The following GRK5 variants were observed in gnomAD, a reference collection of about 807,000 sequenced individuals.
GRK5 encodes the protein g protein-coupled receptor kinase GRK5.
Under a neutral mutation model 78.4 loss-of-function variants are expected in GRK5, and 40 were observed. The ratio of observed to expected loss-of-function variants is 0.51; its 90% CI spans 0.40 to 0.66. The LOEUF is 0.66. GRK5 is among the 30% of genes least tolerant of loss of function. The pLI, the probability that GRK5 is intolerant of heterozygous loss-of-function variation, is 0.00. For missense variants in GRK5, 598 were observed against 759.9 expected (o/e 0.79, Z 2.50); for synonymous variants, 289 against 296.8 (o/e 0.97, Z 0.27).
chr10:119,328,248 A>G lies in GRK5; in HGVS notation c.148+1637A>G, dbSNP rs1488003083. ...GGAGGCAGTCGAGGTCGGGTGGAAG[A>G]GAAGAGGGGCTGTGTTCCTGGGGCT... On this transcript the variant is annotated intron_variant, in intron 2 of 15. Coordinates refer to ENST00000392870, the MANE Select transcript of GRK5 (RefSeq NM_005308.3). Among the ~76,000 whole-genome samples the G allele has an allele frequency of 5.9e-5, 9 of 152,102 alleles. 1 individual carries two copies. The highest frequency in any genetic ancestry group is 1.2e-4 in the Non-Finnish European group (8 of 67,998).
At position 119,223,475 on chromosome 10, in the gene GRK5, C is replaced by T. The variant is rs77294463; in HGVS notation, c.52+15506C>T. Among the ~76,000 whole-genome samples, 1,481 of 152,036 alleles carry T rather than the reference C, an allele frequency of 9.7e-3. 21 individuals are homozygous for T. The highest frequency in any genetic ancestry group is 0.034 in the African/African-American group (1,395 of 41,460). On this transcript the variant is annotated intron_variant, in intron 1 of 15. Transcript: ENST00000392870. ...CAGGAGGTTCTGAGGATGAACCAGGCGTGGGAACTGCTGCTCTATAGAACC... is the reference window on the plus strand; with the variant it reads ...CAGGAGGTTCTGAGGATGAACCAGGTGTGGGAACTGCTGCTCTATAGAACC...
rs1316856036 is a variant in GRK5, at chr10:119,430,372, C to T, written c.534-3C>T. On this transcript the variant is annotated splice_region_variant and splice_polypyrimidine_tract_variant and intron_variant, in intron 6 of 15. Transcript: ENST00000392870. The surrounding 1 kb of genome is among the most constrained non-coding windows in gnomAD (Gnocchi z 4.5). The stretch of plus-strand genomic sequence containing the variant: ...ACCAGTGTGGGATTCTTCTTTCTTC[C>T]AGGCAACCGGTGACCAAAAACACTT... 6.2e-7 allele frequency: 1 copy of T among 1,613,650 alleles called. No homozygotes were observed. The highest frequency in any genetic ancestry group is 8.5e-7 in the Non-Finnish European group (1 of 1,179,690).
At chr10:119,385,472 G>A (rs897639773) in intron 3 of GRK5, among the ~76,000 whole-genome samples, 1 of 152,072 alleles carries the variant, frequency 6.6e-6, no homozygotes, top group Non-Finnish European at 1.5e-5. Flanking sequence ...TCCATGTTGG[G>A]AGCAGGCTTT....
At chr10:119,395,943 G>A (rs762392722) in intron 3 of GRK5, among the ~76,000 whole-genome samples, 12 of 152,182 alleles carry the variant, frequency 7.9e-5, no homozygotes, top group East Asian at 3.8e-4. Flanking sequence ...GTTCTCCTGC[G>A]TCACTGCCCT....
At chr10:119,344,000 A>G (rs112252051) in intron 2 of GRK5, among the ~76,000 whole-genome samples, 4 of 151,858 alleles carry the variant, frequency 2.6e-5, no homozygotes, top group African/African-American at 9.7e-5. Flanking sequence ...GGCTCAGGTA[A>G]TGCCACAGGA....
At chr10:119,295,046 C>T (rs975788977) in intron 1 of GRK5, among the ~76,000 whole-genome samples, 143 of 151,860 alleles carry the variant, frequency 9.4e-4, no homozygotes, top group African/African-American at 3.1e-3. Context: ...AAAAATTAGC[C>T]GGGCGTGGTG....
chr10:119,419,133 C>T (rs1032601376), intron 4 of GRK5, among the ~76,000 whole-genome samples: 20 of 152,216 alleles, frequency 1.3e-4, no homozygotes, highest in South Asian at 2.1e-4. Flanking sequence ...TTCTCCAGCC[C>T]ACCGCCCACC....
intron 1 of GRK5, among the ~76,000 whole-genome samples, chr10:119,281,669 G>A (rs1020004385): frequency 6.6e-6 from 1 of 152,178 alleles, no homozygotes; most frequent in Non-Finnish European, 1.5e-5. Context: ...CTGGGTTCCC[G>A]GGGTGGTGGT....
intron 1 of GRK5, among the ~76,000 whole-genome samples, chr10:119,261,143 G>C (rs1042196748): frequency 2.2e-4 from 33 of 150,892 alleles, no homozygotes; most frequent in African/African-American, 8.1e-4. Flanking sequence ...TTTTCAGACG[G>C]GGCGGCTGCC....
intron 4 of GRK5, among the ~76,000 whole-genome samples, chr10:119,413,485 CAGCAA>C (rs1564925197): frequency 1.3e-5 from 2 of 151,916 alleles, no homozygotes; most frequent in African/African-American, 4.8e-5. Context: ...TCAGTTCATT[CAGCAA>C]AGCAGAGTGG....
intron 2 of GRK5, among the ~76,000 whole-genome samples, chr10:119,329,044 A>G (rs923913232): frequency 1.3e-5 from 2 of 152,204 alleles, no homozygotes; most frequent in Non-Finnish European, 2.9e-5. Context: ...GAGGGGCACA[A>G]TAGATGTTAG....
chr10:119,396,617 C>T (rs1293379578), intron 3 of GRK5, 78 bp from the exon 4 acceptor site: 1 of 1,234,750 alleles, frequency 8.1e-7, no homozygotes, highest in Non-Finnish European at 1.2e-6. Context: ...GGATTTCCTC[C>T]AGGGGCTGTG....
chr10:119,328,584 C>T (rs1850717515), intron 2 of GRK5, among the ~76,000 whole-genome samples: 1 of 152,194 alleles, frequency 6.6e-6, no homozygotes, highest in Non-Finnish European at 1.5e-5. Context: ...CCCAGCTTCT[C>T]CCAAAAGAGG....
Position 119,264,576 on chromosome 10 carries a change from A to G in GRK5, c.52+56607A>G, listed in dbSNP as rs1849463567. On this transcript the variant is annotated intron_variant, in intron 1 of 15. Coordinates refer to ENST00000392870, the MANE Select transcript of GRK5 (RefSeq NM_005308.3). This position sits in a 1 kb window ranked among gnomAD's most constrained non-coding sequence, Gnocchi z 4.1. ...CACCTCTCCCAGCAGCTGTATGTCA[A>G]ACATCATCAAGGCATGATTCTCATC... Among the ~76,000 whole-genome samples, 3 of 152,216 alleles carry G rather than the reference A, an allele frequency of 2.0e-5. No homozygotes were observed. The highest frequency in any genetic ancestry group is 2.1e-4 in the South Asian group (1 of 4,832).
chr10:119,332,282 T>C (rs1263541866), intron 2 of GRK5, among the ~76,000 whole-genome samples: 1 of 152,068 alleles, frequency 6.6e-6, no homozygotes, highest in Non-Finnish European at 1.5e-5. Flanking sequence ...AATTTTTGTA[T>C]TTTTTGTAGA....
chr10:119,311,363 A>G (rs1287141278), intron 1 of GRK5, among the ~76,000 whole-genome samples: 1 of 152,170 alleles, frequency 6.6e-6, no homozygotes, highest in Non-Finnish European at 1.5e-5. Flanking sequence ...TGAGCAGAAT[A>G]ACTCAGAAGG....
intron 1 of GRK5, among the ~76,000 whole-genome samples, chr10:119,325,751 A>G (rs920808527): frequency 2.0e-5 from 3 of 152,198 alleles, no homozygotes; most frequent in African/African-American, 7.2e-5. Flanking sequence ...ACACCTGTCC[A>G]TCATCCCTTG....
At chr10:119,262,825 T>G (rs145329655) in intron 1 of GRK5, among the ~76,000 whole-genome samples, 1 of 152,312 alleles carries the variant, frequency 6.6e-6, no homozygotes, top group Non-Finnish European at 1.5e-5. Flanking sequence ...CTTTAGCAAG[T>G]AACTGTAATT....
intron 2 of GRK5, among the ~76,000 whole-genome samples, chr10:119,364,955 T>C (rs1314544695): frequency 6.6e-6 from 1 of 152,236 alleles, no homozygotes; most frequent in Non-Finnish European, 1.5e-5. Flanking sequence ...TTATTTTTTT[T>C]TCTTTTTCCC....
Sources: gnomAD v4.1 joint callset for allele counts (sites outside exome capture counted in the v4.1 genomes callset) on GRCh38, gnomAD v4.1.1 for gene constraint, Gnocchi (gnomAD v3.1) non-coding constraint, MANE v1.5 for transcripts, NCBI Gene and HGNC (gene_info 2026-07-23, HGNC 2026-07-21) for gene names.